Variants in TTC28 observed in about 807,000 individuals in gnomAD.
TTC28 encodes the protein tetratricopeptide repeat protein 28.
In TTC28, 61 loss-of-function variants were observed where a neutral mutation model predicts 198.0. The ratio of observed to expected loss-of-function variants is 0.31; its 90% CI spans 0.25 to 0.38. TTC28 has a LOEUF of 0.38. Among genes scored for constraint, TTC28 ranks in the 10% least tolerant of loss-of-function variants. TTC28 has a pLI of 1.00. For missense variants in TTC28, 2,678 were observed against 3,164.0 expected, an observed-to-expected ratio of 0.85 and a Z score of 3.69; for synonymous variants, 1,171 against 1,297.8, an observed-to-expected ratio of 0.90 and a Z score of 2.10.
intron 2 of TTC28, among the ~76,000 whole-genome samples, chr22:28,376,076 T>C (rs2046405396): frequency 6.6e-6 from 1 of 152,206 alleles, no homozygotes; most frequent in African/African-American, 2.4e-5. Context: ...ATGAGACTTC[T>C]TGGCCCCCAT....
chr22:28,283,619 T>C (rs992715446), intron 5 of TTC28, among the ~76,000 whole-genome samples: 2 of 152,146 alleles, frequency 1.3e-5, no homozygotes, highest in African/African-American at 4.8e-5. Context: ...AGGTGTCAAA[T>C]TGATAATGAT....
intron 2 of TTC28, among the ~76,000 whole-genome samples, chr22:28,357,872 C>T (rs1321592682): frequency 6.6e-6 from 1 of 152,106 alleles, no homozygotes; most frequent in African/African-American, 2.4e-5. Context: ...TGGGATGCAA[C>T]ATGAGAGCCG....
intron 2 of TTC28, among the ~76,000 whole-genome samples, chr22:28,470,097 G>A (rs968013496): frequency 6.6e-6 from 1 of 151,958 alleles, no homozygotes; most frequent in African/African-American, 2.4e-5. Context: ...CTCCTGCCTC[G>A]ACCTCTCAAA....
chr22:28,609,420 GCC>G (rs2050782846), intron 2 of TTC28, among the ~76,000 whole-genome samples: 1 of 152,184 alleles, frequency 6.6e-6, no homozygotes, highest in Non-Finnish European at 1.5e-5. Flanking sequence ...AGTGGGTGCA[GCC>G]CACAGAGGGC....
intron 5 of TTC28, among the ~76,000 whole-genome samples, chr22:28,243,915 G>A (rs1385892006): frequency 2.0e-5 from 3 of 152,080 alleles, no homozygotes; most frequent in Non-Finnish European, 2.9e-5. Context: ...ACTGTTACAG[G>A]CACTAAAGAT....
At chr22:28,676,787 G>C (rs1340616512) in intron 1 of TTC28, among the ~76,000 whole-genome samples, 4 of 151,804 alleles carry the variant, frequency 2.6e-5, no homozygotes, top group Non-Finnish European at 5.9e-5. Flanking sequence ...AGAAGGCTGA[G>C]GCAGAAGGAT....
intron 2 of TTC28, among the ~76,000 whole-genome samples, chr22:28,609,517 G>A (rs1161811665): frequency 1.3e-5 from 2 of 152,206 alleles, no homozygotes; most frequent in Non-Finnish European, 2.9e-5. Flanking sequence ...GAAGCCATGA[G>A]GGGCTGTGAA....
At position 28,536,075 on chromosome 22, in the gene TTC28, G is replaced by C. The variant is rs547544635; in HGVS notation, c.381+93477C>G. On this transcript the variant is annotated intron_variant, in intron 2 of 22. Coordinates refer to ENST00000397906, the MANE Select transcript of TTC28 (RefSeq NM_001145418.2). ...TAGCTTGGCTTGGTGGCGGGCCCCT[G>C]TAGTCCCAGCTACTAGGAGAGGCTG... Among the ~76,000 whole-genome samples the C allele has an allele frequency of 2.6e-5, 4 of 151,374 alleles. No homozygotes were observed. The East Asian group carries it at 7.9e-4, about 30-fold the overall frequency.
rs1293693930 is a variant in TTC28, at chr22:28,553,199, C to T, written c.381+76353G>A. Among the ~76,000 whole-genome samples, 26 of 152,066 alleles carry T rather than the reference C, an allele frequency of 1.7e-4. No individual in the cohort carries two copies. The East Asian group carries it at 3.7e-3, about 22-fold the overall frequency. On this transcript the variant is annotated intron_variant, in intron 2 of 22. Coordinates refer to ENST00000397906, the MANE Select transcript of TTC28 (RefSeq NM_001145418.2). ...AAGTGCCAAGATTGCAGCCTCTGCC[C>T]GGCCGCCACCCCGTCTGGGAAGTGA...
chr22:28,016,732 A>G lies in TTC28; in HGVS notation c.4074-2340T>C, dbSNP rs1938393863. ...GAACTAAAAAGGCTCCTACTAGAGA[A>G]AGAGACCCCAGCTCTAGGGAGTTCT... On this transcript the variant is annotated intron_variant, in intron 13 of 22. Transcript: ENST00000397906. 2.0e-5 allele frequency among the ~76,000 whole-genome samples: 3 copies of G among 152,234 alleles called. No individual in the cohort carries two copies. In the South Asian group the frequency reaches 6.2e-4, roughly 31 times the overall value.
intron 5 of TTC28, among the ~76,000 whole-genome samples, chr22:28,203,093 A>C (rs533685286): frequency 6.6e-6 from 1 of 152,236 alleles, no homozygotes; most frequent in South Asian, 2.1e-4. Context: ...CCTTCCGTAG[A>C]TATGGTTTTC....
chr22:28,478,476 T>C lies in TTC28; in HGVS notation c.381+151076A>G, dbSNP rs185560891. 6.0e-3 allele frequency among the ~76,000 whole-genome samples: 912 copies of C among 152,304 alleles called. 6 individuals carry two copies. Among genetic ancestry groups the C allele is most frequent in the Non-Finnish European group, 9.9e-3 (676 of 68,020 alleles). ...GTGAGCCGAGATCGCACCACTGCACTCTAGCCTGGGCAACAGAGTGAGACT... is the reference window on the plus strand; with the variant it reads ...GTGAGCCGAGATCGCACCACTGCACCCTAGCCTGGGCAACAGAGTGAGACT... On this transcript the variant is annotated intron_variant, in intron 2 of 22. Coordinates refer to ENST00000397906, the MANE Select transcript of TTC28 (RefSeq NM_001145418.2).
intron 6 of TTC28, among the ~76,000 whole-genome samples, chr22:28,146,920 T>C (rs1471152600): frequency 6.6e-6 from 1 of 152,180 alleles, no homozygotes; most frequent in East Asian, 1.9e-4. Flanking sequence ...CTTGGAAACA[T>C]TTTAAATGGC....
chr22:27,983,582 C>T lies in TTC28; in HGVS notation c.6085G>A (p.Ala2029Thr), dbSNP rs868350772. Residue 2029 changes from alanine (A) to threonine (T), a missense_variant, in exon 23 of 23, where the codon GCT becomes ACT. Ala to Thr is a moderately conservative substitution (Grantham distance 58). Transcript: ENST00000397906. ...GGCAGGGTGGATCTCTGCAGGTAAG[C>T]GTTCTTGGACCGGTCATGGTCCTGC... is the stretch of plus-strand genomic sequence containing the variant. ...GRQDHDRSKN[A>T]YLQRSTLPRS... is the part of the protein sequence containing the mutation. 1.6e-5 allele frequency: 25 copies of T among 1,550,566 alleles called. No individual in the cohort carries two copies. The highest frequency in any genetic ancestry group is 6.9e-5 in the African/African-American group (5 of 72,930).
chr22:28,430,036 AT>A (rs919396993), intron 2 of TTC28, among the ~76,000 whole-genome samples: 5,414 of 109,922 alleles, frequency 0.049, 299 homozygotes, highest in African/African-American at 0.16. Context: ...CTGGAATATG[AT>A]TTTTTTTTTT....
At chr22:28,159,013 A>G (rs1217502323) in intron 6 of TTC28, among the ~76,000 whole-genome samples, 2 of 152,232 alleles carry the variant, frequency 1.3e-5, no homozygotes, top group Non-Finnish European at 2.9e-5. Flanking sequence ...CGAACTACCC[A>G]TATGACAAGG....
At chr22:28,101,066 G>GA (rs1942133150) in intron 9 of TTC28, 105 bp downstream of exon 9, 2 of 773,884 alleles carry the variant, frequency 2.6e-6, no homozygotes, top group East Asian at 5.6e-5. Flanking sequence ...CCCAAGGGTA[G>GA]AAGTCAGTGC....
At chr22:28,324,867 A>G (rs1308090840) in intron 2 of TTC28, among the ~76,000 whole-genome samples, 2 of 152,190 alleles carry the variant, frequency 1.3e-5, no homozygotes, top group African/African-American at 2.4e-5. Flanking sequence ...CCTATTCAAC[A>G]TAGTGTTGGA....
chr22:28,532,215 TAAAGGGGATACCACCACCG>T (rs1417574876), intron 2 of TTC28, among the ~76,000 whole-genome samples: 11 of 151,898 alleles, frequency 7.2e-5, no homozygotes, highest in Admixed American at 2.0e-4. Flanking sequence ...TAAAAAATGA[TAAAGGGGATACCACCACCG>T]ATCCCACGGA....
Sources: gnomAD v4.1 joint callset for allele counts (sites outside exome capture counted in the v4.1 genomes callset) on GRCh38, gnomAD v4.1.1 for gene constraint, MANE v1.5 for transcripts, NCBI Gene and HGNC (gene_info 2026-07-23, HGNC 2026-07-21) for gene names.